Variants in EHMT1 observed in about 807,000 individuals in gnomAD.
EHMT1 encodes the protein euchromatic histone lysine methyltransferase 1.
In EHMT1, 15 loss-of-function variants were observed where a neutral mutation model predicts 147.2. That is an observed-to-expected ratio of 0.10 (90% CI 0.07 to 0.16). The LOEUF (loss-of-function observed/expected upper bound fraction) is 0.16, where lower values mean the gene tolerates loss of function less well. Among genes scored for constraint, EHMT1 ranks in the 10% least tolerant of loss-of-function variants. The pLI is 1.00. For synonymous variants in EHMT1, 795 were observed against 709.6 expected (o/e 1.12, Z -1.91); for missense variants, 1,587 against 1,772.4 (o/e 0.90, Z 1.88).
At chr9:137,819,593 A>G (rs1418281319) in intron 25 of EHMT1, among the ~76,000 whole-genome samples, 3 of 118,092 alleles carry the variant, frequency 2.5e-5, no homozygotes, top group African/African-American at 3.9e-5. Context: ...GGCGCCGTGT[A>G]CCGAGACTGT....
At chr9:137,729,922 G>A (rs1001311570) in intron 4 of EHMT1, among the ~76,000 whole-genome samples, 1 of 152,164 alleles carries the variant, frequency 6.6e-6, no homozygotes, top group Non-Finnish European at 1.5e-5. Context: ...TCCCATTCCC[G>A]ACTGTCTTTT....
Position 137,823,804 on chromosome 9 carries a change from C to T in EHMT1, c.3540+5666C>T, listed in dbSNP as rs548952956. ...AACTCCTGACTGCAGGTGACCCACC[C>T]GCCTCAGCCTCCCAGAGTGCTGGGA... On this transcript the variant is annotated intron_variant, in intron 25 of 26. Coordinates refer to ENST00000460843, the MANE Select transcript of EHMT1 (RefSeq NM_024757.5). Among the ~76,000 whole-genome samples, 59 of 152,260 alleles carry T rather than the reference C, an allele frequency of 3.9e-4. No homozygotes were observed. In the South Asian group the frequency reaches 0.011, roughly 29 times the overall value.
At chr9:137,777,444 T>C (rs1006803892) in intron 12 of EHMT1, 6 of 206,302 alleles carry the variant, frequency 2.9e-5, no homozygotes, top group Admixed American at 1.1e-4. Context: ...CAAAACTTGT[T>C]ACTACCCAGC....
In EHMT1 at chr9:137,816,238, A is replaced by G. The variant is rs532778984; in HGVS notation, c.3374+176A>G. ...ATCCTCTAGAAATGTCACTTGTGCC[A>G]TAAATCACGAGTCATGCTTCCCCCA... On this transcript the variant is annotated intron_variant, in intron 23 of 26. Transcript: ENST00000460843. The G allele has an allele frequency of 1.7e-4, 113 of 673,682 alleles. No individual in the cohort carries two copies. The East Asian group carries it at 2.7e-3, about 16-fold the overall frequency. The allele number at this position is 673,682 out of a possible 1,614,324, so 41.7% of individuals were successfully genotyped here. A position where few individuals can be genotyped will look rare whatever the true frequency, so the allele number is the denominator to read the frequency against.
In EHMT1 at chr9:137,813,677, C is replaced by G; in HGVS notation, c.3180+147C>G. ...GAAGACCTCATTCTCTTTGTAGTTGCCTCCCGTGAAAGAGCTGGAAGGCAG... is the reference window on the plus strand; with the variant it reads ...GAAGACCTCATTCTCTTTGTAGTTGGCTCCCGTGAAAGAGCTGGAAGGCAG... On this transcript the variant is annotated intron_variant, in intron 21 of 26. Coordinates refer to ENST00000460843, the MANE Select transcript of EHMT1 (RefSeq NM_024757.5). This position sits in a 1 kb window ranked among gnomAD's most constrained non-coding sequence, Gnocchi z 4.9. 8.3e-7 allele frequency: 1 copy of G among 1,200,308 alleles called. No homozygotes were observed. Among genetic ancestry groups the G allele is most frequent in the Non-Finnish European group, 1.2e-6 (1 of 843,164 alleles). 74.4% of individuals were successfully genotyped at this position (1,200,308 alleles called of 1,614,324 possible). A position where few individuals can be genotyped will look rare whatever the true frequency, so the allele number is the denominator to read the frequency against.
chr9:137,779,744 C>T, intron 14 of EHMT1, 27 bp downstream of exon 14: 1 of 1,611,438 alleles, frequency 6.2e-7, no homozygotes, highest in Non-Finnish European at 8.5e-7. Context: ...GGCCCGGGCA[C>T]ATGCAGCCGG....
intron 1 of EHMT1, among the ~76,000 whole-genome samples, chr9:137,620,255 T>C (rs948672823): frequency 1.3e-5 from 2 of 152,150 alleles, no homozygotes; most frequent in Non-Finnish European, 1.5e-5. Context: ...TTCAAGTCAC[T>C]TCTAGGCTTG....
At chr9:137,706,009 C>G (rs1303485412) in intron 1 of EHMT1, among the ~76,000 whole-genome samples, 1 of 150,184 alleles carries the variant, frequency 6.7e-6, no homozygotes, top group African/African-American at 2.5e-5. Context: ...GGACCTGGAC[C>G]CTTCACTTCT....
chr9:137,743,674 C>A, intron 5 of EHMT1, 146 bp downstream of exon 5: 1 of 1,306,504 alleles, frequency 7.7e-7, no homozygotes, highest in Non-Finnish European at 1.1e-6. Flanking sequence ...GCAGAGTGTT[C>A]GTGTCCAAGA....
intron 1 of EHMT1, among the ~76,000 whole-genome samples, chr9:137,655,435 A>T (rs1055235836): frequency 6.6e-6 from 1 of 152,216 alleles, no homozygotes; most frequent in African/African-American, 2.4e-5. Flanking sequence ...CAGGAATCTT[A>T]CCTATGGAGT....
chr9:137,818,054 C>G lies in EHMT1; in HGVS notation c.3462-6C>G. The stretch of plus-strand genomic sequence containing the variant: ...CAGGGCCTCACCTGCACCGCACCCT[C>G]TGCAGGTATGTTGGGGAGCTGATTT... On this transcript the variant is annotated splice_region_variant and splice_polypyrimidine_tract_variant and intron_variant, in intron 24 of 26. Transcript: ENST00000460843. The G allele has an allele frequency of 6.2e-7, 1 of 1,614,094 alleles. No homozygotes were observed.
In EHMT1 at chr9:137,834,697, C is replaced by T. The variant is rs892286704; in HGVS notation, c.3717-76C>T. On this transcript the variant is annotated intron_variant, in intron 26 of 26. Transcript: ENST00000460843. ...CAGATCGGGGTGAGGAAGCTTTGGC[C>T]TTGCCTTAATTTATCTGGCTTGTGG... 2.5e-5 allele frequency: 40 copies of T among 1,610,008 alleles called. No individual in the cohort carries two copies. The South Asian group carries it at 3.4e-4, about 14-fold the overall frequency.
Position 137,800,999 on chromosome 9 carries a change from C to T in EHMT1, c.2712+15C>T, listed in dbSNP as rs753956024. On this transcript the variant is annotated intron_variant, in intron 18 of 26. Coordinates refer to ENST00000460843, the MANE Select transcript of EHMT1 (RefSeq NM_024757.5). Reference sequence around the variant, plus strand: ...TCCGAGACAACGTAAGTTCGTCACACCCTCCCCGGGAGCCGTGTCCTGGAG... The same window carrying T: ...TCCGAGACAACGTAAGTTCGTCACATCCTCCCCGGGAGCCGTGTCCTGGAG... 5 of 1,612,294 alleles carry T rather than the reference C, an allele frequency of 3.1e-6. No homozygotes were observed. The highest frequency in any genetic ancestry group is 3.4e-6 in the Non-Finnish European group (4 of 1,178,452).
At position 137,737,327 on chromosome 9, in the gene EHMT1, A is replaced by G. The variant is rs112972781; in HGVS notation, c.824-6044A>G. The stretch of plus-strand genomic sequence containing the variant: ...AGACAGACATATAGGCCAGTGGGCT[A>G]GAACAGAGAGCACAGAAATAAACCT... On this transcript the variant is annotated intron_variant, in intron 4 of 26. Transcript: ENST00000460843. Among the ~76,000 whole-genome samples the G allele has an allele frequency of 9.1e-3, 1,392 of 152,362 alleles. 14 individuals are homozygous for G. The highest frequency in any genetic ancestry group is 0.012 in the Non-Finnish European group (818 of 68,034).
chr9:137,636,447 G>A (rs1844078137), intron 1 of EHMT1, among the ~76,000 whole-genome samples: 1 of 152,124 alleles, frequency 6.6e-6, no homozygotes, highest in Admixed American at 6.6e-5. Context: ...TAGAAGTGGT[G>A]AAAGCTGACA....
At chr9:137,734,076 T>TA (rs1417315059) in intron 4 of EHMT1, among the ~76,000 whole-genome samples, 1 of 152,158 alleles carries the variant, frequency 6.6e-6, no homozygotes, top group Non-Finnish European at 1.5e-5. Context: ...GTTTTCAGCA[T>TA]AGAACTACAA....
intron 23 of EHMT1, chr9:137,816,813 G>T: frequency 5.8e-6 from 1 of 171,584 alleles, no homozygotes; most frequent in African/African-American, 2.4e-5. Flanking sequence ...TGGTGGTGAG[G>T]ACCCACGCCA....
intron 3 of EHMT1, among the ~76,000 whole-genome samples, chr9:137,719,590 A>G (rs1945728248): frequency 6.6e-6 from 1 of 152,218 alleles, no homozygotes; most frequent in Non-Finnish European, 1.5e-5. Flanking sequence ...AATCTTAAAA[A>G]TAATTACAGT....
chr9:137,752,739 T>C (rs1789730128), intron 7 of EHMT1, among the ~76,000 whole-genome samples: 1 of 152,006 alleles, frequency 6.6e-6, no homozygotes, highest in Non-Finnish European at 1.5e-5. Flanking sequence ...GGGATTCCGC[T>C]GCATCGGCTG....
Sources: allele counts gnomAD v4.1 joint callset (sites outside exome capture counted in the v4.1 genomes callset), GRCh38; gene constraint gnomAD v4.1.1; non-coding constraint Gnocchi (gnomAD v3.1); transcripts MANE v1.5; gene names NCBI Gene and HGNC (gene_info 2026-07-23, HGNC 2026-07-21).